FMNL2: variants seen among roughly 807,000 people sequenced by gnomAD.
FMNL2 encodes the protein formin like 2.
In FMNL2, 51 loss-of-function variants were observed where a neutral mutation model predicts 130.2. The ratio of observed to expected loss-of-function variants is 0.39; its 90% CI spans 0.31 to 0.49. FMNL2 has a LOEUF of 0.49. Among genes scored for constraint, FMNL2 ranks in the 20% least tolerant of loss-of-function variants. The probability of loss-of-function intolerance (pLI) is 0.85; values close to 1 mark genes in which losing one functional copy is unlikely to be tolerated. For synonymous variants in FMNL2, 465 were observed against 467.1 expected, an observed-to-expected ratio of 1.00 and a Z score of 0.06; for missense variants, 977 against 1,316.2, an observed-to-expected ratio of 0.74 and a Z score of 3.99.
chr2:152,409,510 G>A (rs1383205958), intron 1 of FMNL2, among the ~76,000 whole-genome samples: 1 of 152,204 alleles, frequency 6.6e-6, no homozygotes, highest in Admixed American at 6.5e-5. Context: ...GGAAAGGAGT[G>A]TGAGTGAGGT....
At chr2:152,477,722 G>A (rs532155122) in intron 1 of FMNL2, among the ~76,000 whole-genome samples, 2 of 152,248 alleles carry the variant, frequency 1.3e-5, no homozygotes, top group East Asian at 3.9e-4. Flanking sequence ...GAGGGAAGCG[G>A]GAGATGGACA....
intron 1 of FMNL2, among the ~76,000 whole-genome samples, chr2:152,439,120 T>G (rs1313865303): frequency 6.7e-6 from 1 of 149,614 alleles, no homozygotes; most frequent in East Asian, 2.0e-4. Flanking sequence ...TGTGTGGCAA[T>G]AGCTAATTGT....
chr2:152,565,172 TA>T (rs1419853169), intron 6 of FMNL2, among the ~76,000 whole-genome samples: 1 of 152,210 alleles, frequency 6.6e-6, no homozygotes, highest in African/African-American at 2.4e-5. Context: ...TTCTGATTTT[TA>T]AGAAGGTCCA....
chr2:152,505,090 T>C (rs1219204131), intron 1 of FMNL2, among the ~76,000 whole-genome samples: 1 of 152,226 alleles, frequency 6.6e-6, no homozygotes, highest in Non-Finnish European at 1.5e-5. Context: ...GTGTATGTTA[T>C]GAAAAGTCAC....
In FMNL2 at chr2:152,648,251, T is replaced by C. The variant is rs2105999922; in HGVS notation, c.*346T>C. 4.8e-6 allele frequency: 1 copy of C among 209,310 alleles called. No individual in the cohort carries two copies. Among genetic ancestry groups the C allele is most frequent in the East Asian group, 1.2e-4 (1 of 8,102 alleles). The allele number at this position is 209,310 out of a possible 1,614,324, so 13.0% of individuals were successfully genotyped here. On this transcript the variant is annotated 3_prime_UTR_variant, in exon 26 of 26. Coordinates refer to ENST00000288670, the MANE Select transcript of FMNL2 (RefSeq NM_052905.4). The stretch of plus-strand genomic sequence containing the variant: ...TCATGGCCCACCTGGTTTCCTGATG[T>C]TGTAAATAACATCAATGCATCTGCT...
At chr2:152,636,958 C>G (rs1361320526) in intron 22 of FMNL2, among the ~76,000 whole-genome samples, 1 of 152,116 alleles carries the variant, frequency 6.6e-6, no homozygotes, top group Non-Finnish European at 1.5e-5. Context: ...AAATCTTACA[C>G]TATACTGGGG....
chr2:152,346,887 C>T (rs906624326), intron 1 of FMNL2, among the ~76,000 whole-genome samples: 8 of 151,638 alleles, frequency 5.3e-5, no homozygotes, highest in African/African-American at 1.5e-4. Context: ...GTCAGGAGTT[C>T]GAGACCAGCC....
intron 1 of FMNL2, among the ~76,000 whole-genome samples, chr2:152,498,019 T>A (rs1691609606): frequency 6.6e-6 from 1 of 152,218 alleles, no homozygotes; most frequent in Admixed American, 6.5e-5. Flanking sequence ...ATTTTTCTAA[T>A]ATTTTCTCTA....
At position 152,508,167 on chromosome 2, in the gene FMNL2, T is replaced by C. The variant is rs368067908; in HGVS notation, c.118-13776T>C. Among the ~76,000 whole-genome samples, 30 of 152,300 alleles carry C rather than the reference T, an allele frequency of 2.0e-4. No individual in the cohort carries two copies. In the South Asian group the frequency reaches 5.8e-3, roughly 29 times the overall value. ...AGAGAGAGACAATGAATGGACCTAT[T>C]TGTCAGTGGGCAGCTGACTGGGATG... is the stretch of plus-strand genomic sequence containing the variant. On this transcript the variant is annotated intron_variant, in intron 1 of 25. Coordinates refer to ENST00000288670, the MANE Select transcript of FMNL2 (RefSeq NM_052905.4).
At chr2:152,340,763 C>T (rs1681754200) in intron 1 of FMNL2, among the ~76,000 whole-genome samples, 1 of 152,156 alleles carries the variant, frequency 6.6e-6, no homozygotes, top group Non-Finnish European at 1.5e-5. Flanking sequence ...GCAATATTGG[C>T]TCACTGCAAC....
intron 1 of FMNL2, among the ~76,000 whole-genome samples, chr2:152,491,569 C>T (rs1244081786): frequency 1.3e-5 from 2 of 152,212 alleles, no homozygotes; most frequent in Non-Finnish European, 2.9e-5. Context: ...CAAATTTTGC[C>T]TTTTTTGTCT....
intron 9 of FMNL2, among the ~76,000 whole-genome samples, chr2:152,590,034 C>CAT (rs1158269144): frequency 7.7e-5 from 8 of 104,420 alleles, no homozygotes; most frequent in Admixed American, 6.1e-4. Flanking sequence ...TATACATATA[C>CAT]ATACATATAC....
chr2:152,521,055 C>T (rs1693059806), intron 1 of FMNL2, among the ~76,000 whole-genome samples: 1 of 152,116 alleles, frequency 6.6e-6, no homozygotes, highest in Non-Finnish European at 1.5e-5. Context: ...CTACTTAGCT[C>T]AGTTGTTTAG....
intron 1 of FMNL2, among the ~76,000 whole-genome samples, chr2:152,355,281 C>A (rs933390957): frequency 5.3e-5 from 8 of 152,106 alleles, no homozygotes; most frequent in African/African-American, 1.9e-4. Flanking sequence ...TTTATTTTTT[C>A]TTGAGCAGAA....
rs866995819 is a variant in FMNL2 at position 152,525,000 on chromosome 2, C to T, written c.201+2974C>T. Among the ~76,000 whole-genome samples, 7 of 152,224 alleles carry T rather than the reference C, an allele frequency of 4.6e-5. No individual in the cohort carries two copies. The Middle Eastern group carries it at 0.017, about 370-fold the overall frequency. ...AGCATGTGGAGTGAAGTGCGCGTCC[C>T]TTCGCCTTTCCTATCTGTTTCCCAA... On this transcript the variant is annotated intron_variant, in intron 2 of 25. Transcript: ENST00000288670.
At chr2:152,365,441 G>T (rs552146995) in intron 1 of FMNL2, among the ~76,000 whole-genome samples, 42 of 152,238 alleles carry the variant, frequency 2.8e-4, no homozygotes, top group African/African-American at 9.9e-4. Context: ...AGTAATGCTG[G>T]GATGGCTTAG....
intron 1 of FMNL2, among the ~76,000 whole-genome samples, chr2:152,470,950 G>GT (rs1481654726): frequency 6.6e-6 from 1 of 152,106 alleles, no homozygotes; most frequent in Non-Finnish European, 1.5e-5. Context: ...TATTAATTTA[G>GT]TTTTTTAAAA....
Position 152,619,549 on chromosome 2 carries a change from G to GCCCCCCCCCCCCCCC in FMNL2, c.1670_1671insCCCCCCCCCCCCCCC (p.Pro569_Pro573dup). ...TAACACCACCTATGCCACCGCCGCC[G>GCCCCCCCCCCCCCCC]CCGCCCCCTCCTCCACCTCCTCCTC... is the stretch of plus-strand genomic sequence containing the variant. On this transcript the variant is annotated inframe_insertion, in exon 15 of 26. Coordinates refer to ENST00000288670, the MANE Select transcript of FMNL2 (RefSeq NM_052905.4). The GCCCCCCCCCCCCCCC allele has an allele frequency of 2.2e-6, 3 of 1,395,016 alleles. No homozygotes were observed. Among genetic ancestry groups the GCCCCCCCCCCCCCCC allele is most frequent in the Non-Finnish European group, 9.3e-7 (1 of 1,075,860 alleles). The allele number at this position is 1,395,016 out of a possible 1,614,324, so 86.4% of individuals were successfully genotyped here.
intron 6 of FMNL2, among the ~76,000 whole-genome samples, chr2:152,573,878 A>G (rs1186009089): frequency 1.3e-5 from 2 of 152,194 alleles, no homozygotes; most frequent in Non-Finnish European, 2.9e-5. Context: ...ATAAGTATGT[A>G]TGTGTTATGT....
Sources: gnomAD v4.1 joint callset for allele counts (sites outside exome capture counted in the v4.1 genomes callset) on GRCh38, gnomAD v4.1.1 for gene constraint, MANE v1.5 for transcripts, NCBI Gene and HGNC (gene_info 2026-07-23, HGNC 2026-07-21) for gene names.